The following PPM1L variants were observed in gnomAD, a reference collection of about 807,000 sequenced individuals.
The protein encoded by PPM1L is protein phosphatase, Mg2+/Mn2+ dependent 1L, also known as protein phosphatase 1L.
In PPM1L, 13 loss-of-function variants were observed where a neutral mutation model predicts 31.4. The ratio of observed to expected loss-of-function variants is 0.41; its 90% confidence interval spans 0.27 to 0.66. The LOEUF is 0.66. Ranked by LOEUF, PPM1L falls within the 30% of genes least tolerant of loss-of-function variation. PPM1L has a pLI of 0.29. For missense variants in PPM1L, 326 were observed against 453.7 expected (o/e 0.72, Z 2.56); for synonymous variants, 184 against 175.4 (o/e 1.05, Z -0.39).
intron 1 of PPM1L, among the ~76,000 whole-genome samples, chr3:160,840,549 G>T (rs748543279): frequency 4.6e-5 from 7 of 152,100 alleles, no homozygotes; most frequent in Non-Finnish European, 7.4e-5. Context: ...GAAGCCAGTG[G>T]CTTGGCTTAG....
intron 1 of PPM1L, among the ~76,000 whole-genome samples, chr3:160,918,078 C>T (rs1351457551): frequency 2.6e-5 from 4 of 152,164 alleles, no homozygotes; most frequent in Non-Finnish European, 5.9e-5. Flanking sequence ...AGTCACCCAC[C>T]GATGGAATTT....
chr3:160,903,581 AC>A (rs1201065228), intron 1 of PPM1L, among the ~76,000 whole-genome samples: 2 of 152,192 alleles, frequency 1.3e-5, no homozygotes, highest in Non-Finnish European at 1.5e-5. Context: ...TATAAAATAT[AC>A]CATCAAAATA....
chr3:160,936,918 A>G (rs975977788), intron 1 of PPM1L, among the ~76,000 whole-genome samples: 4 of 152,200 alleles, frequency 2.6e-5, no homozygotes, highest in African/African-American at 9.7e-5. Flanking sequence ...TGAAAAAACC[A>G]ATCTAGTGTG....
chr3:160,908,125 C>G (rs1713826094), intron 1 of PPM1L, among the ~76,000 whole-genome samples: 1 of 152,164 alleles, frequency 6.6e-6, no homozygotes, highest in African/African-American at 2.4e-5. Context: ...TGAATGTATC[C>G]ACTGTCTAAC....
chr3:160,790,407 A>C (rs1207523835), intron 1 of PPM1L, among the ~76,000 whole-genome samples: 1 of 152,178 alleles, frequency 6.6e-6, no homozygotes, highest in African/African-American at 2.4e-5. Flanking sequence ...AATGCAGCAC[A>C]GTTTTTGCAA....
At chr3:160,915,578 C>G (rs1205002812) in intron 1 of PPM1L, among the ~76,000 whole-genome samples, 9 of 152,226 alleles carry the variant, frequency 5.9e-5, no homozygotes, top group Middle Eastern at 3.4e-3. Context: ...TCATATGGAA[C>G]CAAAAAGGAG....
chr3:160,971,720 C>G (rs549949925), intron 2 of PPM1L, among the ~76,000 whole-genome samples: 1 of 152,060 alleles, frequency 6.6e-6, no homozygotes, highest in Non-Finnish European at 1.5e-5. Context: ...TATGTTGGTG[C>G]CTTATACAGA....
intron 1 of PPM1L, among the ~76,000 whole-genome samples, chr3:160,922,115 C>A (rs184026756): frequency 6.6e-6 from 1 of 152,204 alleles, no homozygotes; most frequent in Non-Finnish European, 1.5e-5. Context: ...TCAAGACCAT[C>A]CTGGCTAACA....
chr3:161,003,083 T>C (rs1358285670), intron 2 of PPM1L, among the ~76,000 whole-genome samples: 2 of 151,112 alleles, frequency 1.3e-5, no homozygotes, highest in Non-Finnish European at 3.0e-5. Flanking sequence ...CAGCACCATT[T>C]ATTAAATAGG....
chr3:160,941,162 TA>T (rs1715150339), intron 1 of PPM1L, among the ~76,000 whole-genome samples: 1 of 152,196 alleles, frequency 6.6e-6, no homozygotes, highest in East Asian at 1.9e-4. Flanking sequence ...CCAATACCTG[TA>T]CCCACATTGT....
At chr3:160,907,197 A>G (rs1215238427) in intron 1 of PPM1L, among the ~76,000 whole-genome samples, 1 of 152,252 alleles carries the variant, frequency 6.6e-6, no homozygotes, top group Non-Finnish European at 1.5e-5. Flanking sequence ...TATGGAAGGC[A>G]GTAGAAATAC....
chr3:160,972,636 T>G (rs181350685), intron 2 of PPM1L, among the ~76,000 whole-genome samples: 18 of 152,294 alleles, frequency 1.2e-4, no homozygotes, highest in Admixed American at 1.2e-3. Flanking sequence ...TCTTTGCTAT[T>G]GTGAATAATG....
chr3:160,838,574 A>G (rs1157509847), intron 1 of PPM1L, among the ~76,000 whole-genome samples: 1 of 152,200 alleles, frequency 6.6e-6, no homozygotes, highest in African/African-American at 2.4e-5. Context: ...ATATTTTTCA[A>G]TTAAAGAAAA....
chr3:160,894,253 A>T (rs548986752), intron 1 of PPM1L, among the ~76,000 whole-genome samples: 1 of 152,320 alleles, frequency 6.6e-6, no homozygotes, highest in East Asian at 1.9e-4. Context: ...GATTTAGACC[A>T]TTGGTTTCTG....
At chr3:160,964,655 T>C (rs551666985) in intron 2 of PPM1L, among the ~76,000 whole-genome samples, 2 of 152,082 alleles carry the variant, frequency 1.3e-5, no homozygotes, top group African/African-American at 4.8e-5. Flanking sequence ...GGGAAGTTTT[T>C]AAAGTGATCT....
chr3:160,910,242 T>TC (rs1713913175), intron 1 of PPM1L, among the ~76,000 whole-genome samples: 1 of 36,064 alleles, frequency 2.8e-5, no homozygotes, highest in Non-Finnish European at 5.2e-5. Flanking sequence ...CCCTTCCCCT[T>TC]TCCTTTCCCC....
intron 2 of PPM1L, among the ~76,000 whole-genome samples, chr3:160,997,504 C>T (rs1366989007): frequency 6.6e-6 from 1 of 152,042 alleles, no homozygotes; most frequent in Non-Finnish European, 1.5e-5. Flanking sequence ...AATGGGAAAC[C>T]ATTTGTTGAA....
chr3:161,013,491 G>A (rs2108065310), intron 2 of PPM1L, among the ~76,000 whole-genome samples: 1 of 152,302 alleles, frequency 6.6e-6, no homozygotes, highest in Non-Finnish European at 1.5e-5. Flanking sequence ...TGAGAAGAAT[G>A]TATATTCTGT....
In PPM1L at chr3:160,805,453, G is replaced by A. The variant is rs868844722; in HGVS notation, c.399+48746G>A. Among the ~76,000 whole-genome samples the A allele has an allele frequency of 4.6e-5, 7 of 152,304 alleles. No individual in the cohort carries two copies. In the Middle Eastern group the frequency reaches 0.01, roughly 222 times the overall value. ...AAATGTACTTGAGGCCGGGTGCAGT[G>A]GCTCATGCCTGTAATCCCAGGACTT... On this transcript the variant is annotated intron_variant, in intron 1 of 3. Coordinates refer to ENST00000498165, the MANE Select transcript of PPM1L (RefSeq NM_139245.4).
Sources: allele counts gnomAD v4.1 joint callset (sites outside exome capture counted in the v4.1 genomes callset), GRCh38; gene constraint gnomAD v4.1.1; transcripts MANE v1.5; gene names NCBI Gene and HGNC (gene_info 2026-07-23, HGNC 2026-07-21).